The following RALYL variants were observed in gnomAD, a reference collection of about 807,000 sequenced individuals.
RALYL encodes RNA-binding Raly-like protein.
A neutral mutation model predicts 35.1 loss-of-function variants in RALYL; 29 were observed. The observed-to-expected ratio is 0.83, with a 90% CI of 0.61 to 1.13. The LOEUF (loss-of-function observed/expected upper bound fraction) is 1.13. RALYL is among the 50% of genes most tolerant of loss of function. The probability of loss-of-function intolerance (pLI) is 0.00; values close to 1 mark genes in which losing one functional copy is unlikely to be tolerated. For missense variants in RALYL, 359 were observed against 360.4 expected, an observed-to-expected ratio of 1.00 and a Z score of 0.03; for synonymous variants, 120 against 127.6, an observed-to-expected ratio of 0.94 and a Z score of 0.40.
chr8:84,763,974 T>G (rs1017133135), intron 2 of RALYL, among the ~76,000 whole-genome samples: 1 of 150,790 alleles, frequency 6.6e-6, no homozygotes. Context: ...AAAGGTGTTT[T>G]GACAATTAGC....
intron 2 of RALYL, among the ~76,000 whole-genome samples, chr8:84,706,223 G>T (rs1841185641): frequency 6.6e-6 from 1 of 152,092 alleles, no homozygotes; most frequent in African/African-American, 2.4e-5. Context: ...TAACATGCAT[G>T]AAAGATGTTG....
chr8:84,545,028 T>C (rs1172032545), intron 2 of RALYL, among the ~76,000 whole-genome samples: 1 of 152,070 alleles, frequency 6.6e-6, no homozygotes, highest in African/African-American at 2.4e-5. Flanking sequence ...AAATTCCCAC[T>C]TCTAACATCT....
At chr8:84,688,195 A>T (rs2132099909) in intron 2 of RALYL, among the ~76,000 whole-genome samples, 1 of 152,094 alleles carries the variant, frequency 6.6e-6, no homozygotes, top group South Asian at 2.1e-4. Flanking sequence ...TTTCTGTGTT[A>T]AATAATATGT....
At chr8:84,442,586 A>C (rs2048450829) in intron 1 of RALYL, among the ~76,000 whole-genome samples, 1 of 152,136 alleles carries the variant, frequency 6.6e-6, no homozygotes, top group Non-Finnish European at 1.5e-5. Flanking sequence ...CTCTGGAAGG[A>C]GAGACAGATG....
At position 84,913,034 on chromosome 8, in the gene RALYL, A is replaced by ATG. The variant is rs1563856522; in HGVS notation, c.859-7860_859-7859insTG. 8.1e-5 allele frequency among the ~76,000 whole-genome samples: 7 copies of ATG among 86,876 alleles called. No homozygotes were observed. In the South Asian group the frequency reaches 1.8e-3, roughly 22 times the overall value. The allele number at this position is 86,876 out of a possible 152,430, so 57.0% of individuals were successfully genotyped here. On this transcript the variant is annotated intron_variant, in intron 8 of 8. Transcript: ENST00000521268. Reference sequence around the variant, plus strand: ...TGGATGGATGGATGGATGGATGGATAGGTAGGTAGATAGATAGATAGATAG... The same window carrying ATG: ...TGGATGGATGGATGGATGGATGGATATGGGTAGGTAGATAGATAGATAGATAG...
intron 1 of RALYL, among the ~76,000 whole-genome samples, chr8:84,296,861 T>A (rs527895662): frequency 2.9e-4 from 44 of 152,018 alleles, no homozygotes; most frequent in African/African-American, 1.0e-3. Flanking sequence ...ATATTATACT[T>A]TGATTTGTTG....
chr8:84,741,252 G>A (rs1328648072), intron 2 of RALYL, among the ~76,000 whole-genome samples: 3 of 151,988 alleles, frequency 2.0e-5, no homozygotes, highest in Non-Finnish European at 4.4e-5. Flanking sequence ...CCTCTCTGAG[G>A]CACTGCTTGA....
intron 4 of RALYL, among the ~76,000 whole-genome samples, chr8:84,826,365 T>C (rs1040001418): frequency 4.0e-5 from 6 of 151,692 alleles, no homozygotes; most frequent in Non-Finnish European, 7.4e-5. Flanking sequence ...GAGCTCACTA[T>C]TGGAAGGAAA....
At chr8:84,532,343 A>G (rs1271808685) in intron 2 of RALYL, among the ~76,000 whole-genome samples, 1 of 152,050 alleles carries the variant, frequency 6.6e-6, no homozygotes, top group Non-Finnish European at 1.5e-5. Flanking sequence ...CTCAGTTTGT[A>G]GGATGTATAT....
At chr8:84,402,318 T>C (rs1319368669) in intron 1 of RALYL, among the ~76,000 whole-genome samples, 3 of 152,210 alleles carry the variant, frequency 2.0e-5, no homozygotes, top group African/African-American at 4.8e-5. Flanking sequence ...GTTAATTCAC[T>C]ATAAGAACTC....
At chr8:84,221,707 A>G (rs1304281011) in intron 1 of RALYL, among the ~76,000 whole-genome samples, 2 of 152,092 alleles carry the variant, frequency 1.3e-5, no homozygotes, top group Non-Finnish European at 2.9e-5. Flanking sequence ...CTTCTTCCCA[A>G]TCATATCATG....
chr8:84,772,243 G>T (rs912991386), intron 2 of RALYL, among the ~76,000 whole-genome samples: 9 of 151,938 alleles, frequency 5.9e-5, no homozygotes, highest in African/African-American at 2.2e-4. Context: ...CATTACTACA[G>T]CCTTAATTAC....
At chr8:84,774,483 A>C in intron 2 of RALYL, 96 bp from the exon 3 acceptor site, 1 of 798,740 alleles carries the variant, frequency 1.3e-6, no homozygotes, top group Admixed American at 2.5e-5. Flanking sequence ...TATTTGCATA[A>C]ACAAATAGTA....
chr8:84,232,990 CT>C (rs963950639), intron 1 of RALYL, among the ~76,000 whole-genome samples: 15 of 151,584 alleles, frequency 9.9e-5, no homozygotes, highest in Non-Finnish European at 1.8e-4. Context: ...TTCTTTTTTT[CT>C]TTTTTTAAAG....
intron 2 of RALYL, chr8:84,679,307 A>C (rs1244252799): frequency 3.9e-6 from 1 of 254,020 alleles, no homozygotes; most frequent in Non-Finnish European, 7.9e-6. Context: ...CTGATGTCAT[A>C]TACAGTGATG....
At chr8:84,454,532 G>A (rs1424561283) in intron 1 of RALYL, among the ~76,000 whole-genome samples, 2 of 152,026 alleles carry the variant, frequency 1.3e-5, no homozygotes, top group African/African-American at 4.8e-5. Context: ...CTCGATTTGT[G>A]TTCGAGGTGG....
chr8:84,560,725 G>T (rs1285437175), intron 2 of RALYL, among the ~76,000 whole-genome samples: 4 of 151,908 alleles, frequency 2.6e-5, no homozygotes, highest in African/African-American at 9.7e-5. Context: ...AAGAAGAGAG[G>T]ATAAGGTAGA....
chr8:84,297,061 A>G (rs181379056), intron 1 of RALYL, among the ~76,000 whole-genome samples: 1 of 152,114 alleles, frequency 6.6e-6, no homozygotes, highest in Non-Finnish European at 1.5e-5. Context: ...ATTTACAAAA[A>G]AAAAAAATTT....
intron 6 of RALYL, chr8:84,864,717 T>C (rs1201641441): frequency 1.8e-6 from 1 of 560,138 alleles, no homozygotes; most frequent in East Asian, 4.2e-5. Context: ...CCCAGTAAGA[T>C]ACTTGAGTCA....
Sources: allele counts gnomAD v4.1 joint callset (sites outside exome capture counted in the v4.1 genomes callset), GRCh38; gene constraint gnomAD v4.1.1; transcripts MANE v1.5; gene names NCBI Gene and HGNC (gene_info 2026-07-23, HGNC 2026-07-21).